Variants in GK5 observed in about 807,000 individuals in gnomAD.
The protein encoded by GK5 is glycerol kinase 5, also known as ATP:glycerol 3-phosphotransferase 5.
Under a neutral mutation model 77.3 loss-of-function variants are expected in GK5, and 39 were observed. That is an observed-to-expected ratio of 0.50 (90% CI 0.39 to 0.66). The LOEUF is 0.66. GK5 is among the 30% of genes least tolerant of loss of function. The pLI, the probability that GK5 is intolerant of heterozygous loss-of-function variation, is 0.00. For synonymous variants in GK5, 211 were observed against 208.0 expected, an observed-to-expected ratio of 1.01 and a Z score of -0.13; for missense variants, 487 against 633.8, an observed-to-expected ratio of 0.77 and a Z score of 2.49.
rs1342546449 is a variant in GK5 at position 142,159,851 on chromosome 3, C to CTTTTTTTTTTTTTTTTTTTTTTTTTTT, written c.*5770_*5771insAAAAAAAAAAAAAAAAAAAAAAAAAAA. On this transcript the variant is annotated 3_prime_UTR_variant, in exon 16 of 16. Coordinates refer to ENST00000392993, the MANE Select transcript of GK5 (RefSeq NM_001039547.3). ...GCTTTCTCTCTCTCTCTCTCTCTCT[C>CTTTTTTTTTTTTTTTTTTTTTTTTTTT]TCTTTTTTTTTTTTGAGACAGAGTC... is the stretch of plus-strand genomic sequence containing the variant. 2.5e-4 allele frequency: 22 copies of CTTTTTTTTTTTTTTTTTTTTTTTTTTT among 86,994 alleles called. No homozygotes were observed. The highest frequency in any genetic ancestry group is 9.0e-4 in the African/African-American group (20 of 22,172). 5.4% of individuals were successfully genotyped at this position (86,994 alleles called of 1,614,324 possible).
rs1407927189 is a variant in GK5 at position 142,204,787 on chromosome 3, T to C, written c.319A>G (p.Lys107Glu). The C allele has an allele frequency of 1.3e-6, 2 of 1,514,446 alleles. No homozygotes were observed. Among genetic ancestry groups the C allele is most frequent in the Admixed American group, 1.9e-5 (1 of 53,248 alleles). The allele number at this position is 1,514,446 out of a possible 1,614,324, so 93.8% of individuals were successfully genotyped here. ...QRATFITWNK[K>E]TGNHFHNFIS... Reference sequence around the variant, plus strand: ...AAGTTGTGAAAATGATTTCCTGTTTTCCTAGAAAGAATAAAACAGTATTTT... The same window carrying C: ...AAGTTGTGAAAATGATTTCCTGTTTCCCTAGAAAGAATAAAACAGTATTTT... The change falls in exon 4 of 16, where the codon AAA becomes GAA. Residue 107 changes from lysine (K) to glutamate (E), a missense_variant and splice_region_variant. Around this residue, in one of 4 missense-constraint regions of GK5, gnomAD observed 323 missense variants for 437.4 expected, o/e 0.74. Coordinates refer to ENST00000392993, the MANE Select transcript of GK5 (RefSeq NM_001039547.3).
intron 9 of GK5, among the ~76,000 whole-genome samples, chr3:142,183,988 G>T (rs2063730837): frequency 6.6e-6 from 1 of 151,768 alleles, no homozygotes; most frequent in African/African-American, 2.4e-5. Flanking sequence ...GCCAGGCGCG[G>T]TGACTCACGC....
rs555451364 is a variant in GK5 at position 142,225,557 on chromosome 3, C to T, written c.-102G>A. 1.6e-4 allele frequency: 224 copies of T among 1,425,878 alleles called. 3 individuals are homozygous for T. In the South Asian group the frequency reaches 2.5e-3, roughly 16 times the overall value. The allele number at this position is 1,425,878 out of a possible 1,614,324, so 88.3% of individuals were successfully genotyped here. On this transcript the variant is annotated 5_prime_UTR_variant, in exon 1 of 16. Coordinates refer to ENST00000392993, the MANE Select transcript of GK5 (RefSeq NM_001039547.3). The stretch of plus-strand genomic sequence containing the variant: ...GGGCGGCCCAACCCGGGCCCCAACC[C>T]GGCTCAGCCGGAGAGCCTAGAGAGG...
At chr3:142,184,070 A>G (rs1026881370) in intron 9 of GK5, among the ~76,000 whole-genome samples, 2 of 151,680 alleles carry the variant, frequency 1.3e-5, no homozygotes, top group East Asian at 3.9e-4. Flanking sequence ...CATCCTGGCT[A>G]ACACGGTGAA....
intron 3 of GK5, among the ~76,000 whole-genome samples, chr3:142,212,892 G>A (rs1316465850): frequency 6.7e-5 from 9 of 133,548 alleles, no homozygotes; most frequent in African/African-American, 2.7e-4. Flanking sequence ...GGAGTGCAGT[G>A]GCGCAATCTC....
At chr3:142,223,560 C>T (rs1482631498) in intron 1 of GK5, among the ~76,000 whole-genome samples, 1 of 152,196 alleles carries the variant, frequency 6.6e-6, no homozygotes, top group East Asian at 1.9e-4. Flanking sequence ...GAATGGAGGC[C>T]GGGCACAGTG....
intron 9 of GK5, among the ~76,000 whole-genome samples, chr3:142,184,260 CAAAAAA>C (rs1161704184): frequency 1.9e-4 from 2 of 10,682 alleles, no homozygotes; most frequent in African/African-American, 3.9e-4. Context: ...GACTCTGTCT[CAAAAAA>C]AAAAAAAAAA....
At chr3:142,187,105 C>G (rs145071348) in intron 6 of GK5, among the ~76,000 whole-genome samples, 1 of 152,118 alleles carries the variant, frequency 6.6e-6, no homozygotes, top group Non-Finnish European at 1.5e-5. Flanking sequence ...TACCCACTAG[C>G]AAAATGGCAG....
At chr3:142,189,839 C>T (rs1432614262) in intron 5 of GK5, among the ~76,000 whole-genome samples, 1 of 152,152 alleles carries the variant, frequency 6.6e-6, no homozygotes, top group Non-Finnish European at 1.5e-5. Context: ...ATGGAAGAAA[C>T]AAACATAAAT....
chr3:142,202,408 C>T (rs2064039604), intron 4 of GK5, among the ~76,000 whole-genome samples: 1 of 152,128 alleles, frequency 6.6e-6, no homozygotes, highest in South Asian at 2.1e-4. Flanking sequence ...CCAGTTCTGG[C>T]AAAAACACTC....
At position 142,204,723 on chromosome 3, in the gene GK5, T is replaced by G. The variant is rs2064078834; in HGVS notation, c.383A>C (p.Lys128Thr). Residue 128 changes from lysine to threonine, a missense_variant, in exon 4 of 16, where the codon AAA becomes ACA. Physicochemically the swap from Lys to Thr is moderately conservative, Grantham distance 78. Transcript: ENST00000392993. ...CATAAGAAGAGAATTATTCCAAGAT[T>G]TTACAAGTTCAACAGCTCTTAAGTC... Reference protein sequence around the residue: ...WQDLRAVELVKSWNNSLLMKI... With the variant: ...WQDLRAVELVTSWNNSLLMKI... 1 of 1,577,652 alleles carries G rather than the reference T, an allele frequency of 6.3e-7. No homozygotes were observed. Among genetic ancestry groups the G allele is most frequent in the South Asian group, 1.1e-5 (1 of 89,568 alleles).
chr3:142,217,884 A>C (rs376113793), intron 1 of GK5, among the ~76,000 whole-genome samples: 3 of 152,342 alleles, frequency 2.0e-5, no homozygotes, highest in African/African-American at 7.2e-5. Flanking sequence ...GATTTCTATA[A>C]CAAAATCCCA....
intron 5 of GK5, among the ~76,000 whole-genome samples, chr3:142,194,796 T>C (rs373746303): frequency 4.6e-5 from 7 of 151,302 alleles, no homozygotes; most frequent in Non-Finnish European, 1.0e-4. Flanking sequence ...ATTTTCAATA[T>C]ACAAGATCAT....
chr3:142,170,248 G>A (rs764036210), intron 15 of GK5, 77 bp downstream of exon 15: 1 of 1,464,134 alleles, frequency 6.8e-7, no homozygotes, highest in South Asian at 1.1e-5. Context: ...CTAGAATTTT[G>A]TAATTTGAGA....
intron 1 of GK5, among the ~76,000 whole-genome samples, chr3:142,216,055 T>C (rs1370775896): frequency 6.6e-6 from 1 of 152,218 alleles, no homozygotes; most frequent in Non-Finnish European, 1.5e-5. Context: ...CACTCCACCC[T>C]GTCTCTTCCG....
intron 12 of GK5, among the ~76,000 whole-genome samples, chr3:142,175,459 T>C (rs1230496760): frequency 1.3e-5 from 2 of 152,228 alleles, no homozygotes; most frequent in African/African-American, 4.8e-5. Context: ...AAAAATATTC[T>C]AAAACTAAAG....
At chr3:142,224,091 T>C (rs2064395117) in intron 1 of GK5, among the ~76,000 whole-genome samples, 1 of 152,118 alleles carries the variant, frequency 6.6e-6, no homozygotes, top group African/African-American at 2.4e-5. Flanking sequence ...AAGATGTTGG[T>C]ACTGGGAAGA....
At chr3:142,168,382 A>G (rs1056115512) in intron 15 of GK5, among the ~76,000 whole-genome samples, 1 of 152,350 alleles carries the variant, frequency 6.6e-6, no homozygotes, top group African/African-American at 2.4e-5. Flanking sequence ...TTCAACTTCA[A>G]TCAAACGTTA....
In GK5 at chr3:142,165,552, T is replaced by C. The variant is rs1390903774; in HGVS notation, c.*70A>G. ...CTCTTAGTCATTGTCATATGGGTTA[T>C]CCCTGAGCTTCATCTCATCTGCACG... is the stretch of plus-strand genomic sequence containing the variant. On this transcript the variant is annotated 3_prime_UTR_variant, in exon 16 of 16. Transcript: ENST00000392993. The C allele has an allele frequency of 1.7e-6, 2 of 1,167,248 alleles. No individual in the cohort carries two copies. The highest frequency in any genetic ancestry group is 3.2e-5 in the African/African-American group (2 of 63,246). The allele number at this position is 1,167,248 out of a possible 1,614,324, so 72.3% of individuals were successfully genotyped here.
Sources: gnomAD v4.1 joint callset for allele counts (sites outside exome capture counted in the v4.1 genomes callset) on GRCh38, gnomAD v4.1.1 for gene constraint, gnomAD v4.1.1 regional missense constraint, MANE v1.5 for transcripts, NCBI Gene and HGNC (gene_info 2026-07-23, HGNC 2026-07-21) for gene names.